Variants in BCL11B observed in about 807,000 individuals in gnomAD.
The protein encoded by BCL11B is BCL11 transcription factor B.
Under a neutral mutation model 49.9 loss-of-function variants are expected in BCL11B, and 8 were observed. The ratio of observed to expected loss-of-function variants is 0.16; its 90% CI spans 0.09 to 0.29. The LOEUF (loss-of-function observed/expected upper bound fraction) is 0.29, where lower values mean the gene tolerates loss of function less well. Ranked by LOEUF, BCL11B falls within the 10% of genes least tolerant of loss-of-function variation. The pLI is 1.00. For missense variants in BCL11B, 1,006 were observed against 1,351.0 expected (o/e 0.74, Z 4.00); for synonymous variants, 739 against 637.4 (o/e 1.16, Z -2.40).
At chr14:99,240,000 C>G (rs1888615580) in intron 2 of BCL11B, among the ~76,000 whole-genome samples, 1 of 152,166 alleles carries the variant, frequency 6.6e-6, no homozygotes, top group South Asian at 2.1e-4. Context: ...GAAAAGGGAA[C>G]AGAAATTTCA....
At chr14:99,238,038 A>G (rs2139907690) in intron 2 of BCL11B, among the ~76,000 whole-genome samples, 1 of 152,106 alleles carries the variant, frequency 6.6e-6, no homozygotes, top group East Asian at 1.9e-4. Flanking sequence ...CCATCCAGAG[A>G]TTCCCCACAG....
At chr14:99,254,029 C>CA (rs1026053221) in intron 2 of BCL11B, among the ~76,000 whole-genome samples, 24 of 152,308 alleles carry the variant, frequency 1.6e-4, no homozygotes, top group African/African-American at 5.1e-4. Context: ...AGCCCTGGAT[C>CA]CAGAATGCAC....
intron 3 of BCL11B, among the ~76,000 whole-genome samples, chr14:99,176,455 G>A (rs965515619): frequency 1.3e-5 from 2 of 152,192 alleles, no homozygotes; most frequent in African/African-American, 4.8e-5. Flanking sequence ...TGTAAGACCC[G>A]CCTTGCTCCC....
At chr14:99,222,561 G>A (rs2793323) in intron 3 of BCL11B, among the ~76,000 whole-genome samples, 20,409 of 152,182 alleles carry the variant, frequency 0.13, 2,038 homozygotes, top group African/African-American at 0.28. Flanking sequence ...GAGGTGATCC[G>A]ATGAGAAAAT....
chr14:99,223,486 G>A (rs1018415575), intron 3 of BCL11B, among the ~76,000 whole-genome samples: 2 of 152,172 alleles, frequency 1.3e-5, no homozygotes, highest in Admixed American at 6.5e-5. Flanking sequence ...GAACCCCATG[G>A]GGGTCGGGAG....
Position 99,176,201 on chromosome 14 carries a change from G to T in BCL11B, c.641-6C>A, listed in dbSNP as rs766751061. On this transcript the variant is annotated splice_region_variant and splice_polypyrimidine_tract_variant and intron_variant, in intron 3 of 3. Transcript: ENST00000357195. ...GCTGGAAGGCTCATCTTTACCTGGG[G>T]AAACACACGGACAGAAAGGCAGAGA... The T allele has an allele frequency of 6.8e-6, 11 of 1,609,278 alleles. 1 individual carries two copies. The Admixed American group carries it at 1.7e-4, about 24-fold the overall frequency.
intron 1 of BCL11B, among the ~76,000 whole-genome samples, chr14:99,266,915 A>G (rs1391705548): frequency 6.6e-6 from 1 of 152,262 alleles, no homozygotes; most frequent in Non-Finnish European, 1.5e-5. Context: ...GCCGTGTTCT[A>G]AGCTATAAGA....
At chr14:99,259,519 A>G (rs112823057) in intron 1 of BCL11B, among the ~76,000 whole-genome samples, 52 of 152,312 alleles carry the variant, frequency 3.4e-4, no homozygotes, top group African/African-American at 9.9e-4. Context: ...GAGAAGAGAA[A>G]CTACAATTTG....
chr14:99,219,718 T>C (rs983873728), intron 3 of BCL11B, among the ~76,000 whole-genome samples: 4 of 151,644 alleles, frequency 2.6e-5, no homozygotes, highest in African/African-American at 9.7e-5. Flanking sequence ...GAAAGAACAA[T>C]GAAAATTGTC....
intron 3 of BCL11B, among the ~76,000 whole-genome samples, chr14:99,212,850 C>T (rs1434644847): frequency 6.6e-6 from 1 of 152,226 alleles, no homozygotes; most frequent in Non-Finnish European, 1.5e-5. Flanking sequence ...CCCCCACCTG[C>T]TTGGCTCCCT....
chr14:99,191,520 C>T lies in BCL11B; in HGVS notation c.641-15325G>A, dbSNP rs117212709. 3.6e-3 allele frequency among the ~76,000 whole-genome samples: 546 copies of T among 152,310 alleles called. 21 individuals are homozygous for T. In the East Asian group the frequency reaches 0.087, roughly 24 times the overall value. On this transcript the variant is annotated intron_variant, in intron 3 of 3. Transcript: ENST00000357195. The stretch of plus-strand genomic sequence containing the variant: ...GAAGAGGAGGGGCCCACACCATCTA[C>T]TTCTCTGGCAATAAAGAAACTGTGG...
At chr14:99,193,276 G>A (rs2139802159) in intron 3 of BCL11B, among the ~76,000 whole-genome samples, 1 of 152,230 alleles carries the variant, frequency 6.6e-6, no homozygotes, top group South Asian at 2.1e-4. Flanking sequence ...CAACTAATCA[G>A]AAAGGCCCCG....
chr14:99,261,407 CCT>C (rs926006823), intron 1 of BCL11B, among the ~76,000 whole-genome samples: 5 of 152,160 alleles, frequency 3.3e-5, no homozygotes, highest in African/African-American at 1.2e-4. Flanking sequence ...AAGTGACACC[CCT>C]CTTTCTCTGC....
intron 3 of BCL11B, among the ~76,000 whole-genome samples, chr14:99,209,299 G>A (rs1465935751): frequency 6.6e-6 from 1 of 152,070 alleles, no homozygotes; most frequent in Non-Finnish European, 1.5e-5. Context: ...AATCCTACTG[G>A]ACCCCAAAAC....
Position 99,271,229 on chromosome 14 carries a change from T to C in BCL11B, c.-11A>G, listed in dbSNP as rs1365965452. The stretch of plus-strand genomic sequence containing the variant: ...TTTGCGGCGGGACATTGCCCCGGCA[T>C]CTATTCTGGCATCGCCCGGAGAGCT... On this transcript the variant is annotated 5_prime_UTR_variant, in exon 1 of 4. An upstream start codon of the reference 5' UTR is lost. Coordinates refer to ENST00000357195, the MANE Select transcript of BCL11B (RefSeq NM_138576.4). 1 of 1,520,094 alleles carries C rather than the reference T, an allele frequency of 6.6e-7. No individual in the cohort carries two copies. Among genetic ancestry groups the C allele is most frequent in the Non-Finnish European group, 8.8e-7 (1 of 1,138,724 alleles). 94.2% of individuals were successfully genotyped at this position (1,520,094 alleles called of 1,614,324 possible). A position where few individuals can be genotyped will look rare whatever the true frequency, so the allele number is the denominator to read the frequency against.
intron 3 of BCL11B, among the ~76,000 whole-genome samples, chr14:99,182,382 A>AT (rs1886731476): frequency 6.6e-6 from 1 of 152,176 alleles, no homozygotes; most frequent in South Asian, 2.1e-4. Context: ...TGCTCTTGTT[A>AT]TGCTGTTCTG....
At chr14:99,222,721 T>C (rs1888046092) in intron 3 of BCL11B, among the ~76,000 whole-genome samples, 1 of 152,140 alleles carries the variant, frequency 6.6e-6, no homozygotes, top group Non-Finnish European at 1.5e-5. Flanking sequence ...CATCCACACC[T>C]GTCACTGCCC....
intron 3 of BCL11B, among the ~76,000 whole-genome samples, chr14:99,199,679 TGTGTGCGCGCGCGCGCGCAC>T (rs1278818329): frequency 2.3e-3 from 163 of 69,956 alleles, no homozygotes; most frequent in African/African-American, 5.5e-3. Flanking sequence ...TGTGTGTGTG[TGTGTGCGCGCGCGCGCGCAC>T]GTGCACGTGT....
At chr14:99,209,378 A>T (rs1197843475) in intron 3 of BCL11B, among the ~76,000 whole-genome samples, 2 of 152,050 alleles carry the variant, frequency 1.3e-5, no homozygotes, top group African/African-American at 4.8e-5. Context: ...GCGACCAGAG[A>T]GCAGGGCAGA....
Sources: allele counts gnomAD v4.1 joint callset (sites outside exome capture counted in the v4.1 genomes callset), GRCh38; gene constraint gnomAD v4.1.1; transcripts MANE v1.5; gene names NCBI Gene and HGNC (gene_info 2026-07-23, HGNC 2026-07-21).